BCAR1: variants seen among roughly 807,000 people sequenced by gnomAD.
BCAR1 encodes the protein breast cancer anti-estrogen resistance protein 1.
Under a neutral mutation model 67.6 loss-of-function variants are expected in BCAR1, and 30 were observed. The ratio of observed to expected loss-of-function variants is 0.44; its 90% confidence interval spans 0.33 to 0.60. BCAR1 has a LOEUF of 0.60. BCAR1 is among the 20% of genes least tolerant of loss of function. The probability of loss-of-function intolerance (pLI) is 0.02; values close to 1 mark genes in which losing one functional copy is unlikely to be tolerated. For synonymous variants in BCAR1, 626 were observed against 556.7 expected (o/e 1.12, Z -1.75); for missense variants, 1,313 against 1,222.3 (o/e 1.07, Z -1.11).
chr16:75,248,161 C>T, intron 1 of BCAR1: 5 of 1,586,024 alleles, frequency 3.2e-6, no homozygotes, highest in Non-Finnish European at 4.3e-6. Flanking sequence ...CACGGTGGAG[C>T]TGGGTGGCTC....
intron 1 of BCAR1, chr16:75,266,048 G>A (rs1293328210): frequency 9.8e-7 from 1 of 1,025,138 alleles, no homozygotes; most frequent in Non-Finnish European, 1.2e-6. Context: ...CCGCGGCCAG[G>A]GACGCGTTAA....
intron 6 of BCAR1, among the ~76,000 whole-genome samples, chr16:75,232,882 T>C (rs2076949020): frequency 6.6e-6 from 1 of 152,196 alleles, no homozygotes; most frequent in Non-Finnish European, 1.5e-5. Flanking sequence ...GCCCAGAAGG[T>C]AGGCGAGGGA....
chr16:75,255,601 C>T (rs902811082), upstream of BCAR1, among the ~76,000 whole-genome samples: 3 of 151,756 alleles, frequency 2.0e-5, no homozygotes, highest in Admixed American at 1.3e-4. Flanking sequence ...GAGGCTGAGG[C>T]AGGATAATTG....
intron 2 of BCAR1, among the ~76,000 whole-genome samples, chr16:75,241,125 T>C (rs2077324478): frequency 6.6e-6 from 1 of 152,240 alleles, no homozygotes; most frequent in Admixed American, 6.5e-5. Flanking sequence ...GCACACGCTT[T>C]GTATGTGTGG....
chr16:75,239,904 C>G (rs971020259), intron 2 of BCAR1, among the ~76,000 whole-genome samples: 1 of 152,220 alleles, frequency 6.6e-6, no homozygotes, highest in Non-Finnish European at 1.5e-5. Context: ...CCTGACCTCA[C>G]GCCATGGCTG....
At chr16:75,250,563 AG>A in intron 1 of BCAR1, 2 of 877,758 alleles carry the variant, frequency 2.3e-6, no homozygotes, top group Non-Finnish European at 2.7e-6. Flanking sequence ...GTGGTAGAAA[AG>A]GAGCTGCTGT....
intron 1 of BCAR1, chr16:75,243,477 T>A: frequency 1.8e-6 from 1 of 543,374 alleles, no homozygotes. Context: ...AGCAAATGGT[T>A]CTCTCTCGAG....
Position 75,250,792 on chromosome 16 carries a change from C to T in BCAR1, c.12+679G>A, listed in dbSNP as rs531248325. On this transcript the variant is annotated intron_variant, in intron 1 of 6. Transcript: ENST00000162330. Reference sequence around the variant, plus strand: ...TCCACACTGCAGAACCCGGCCCTGGCCCCCTCCCGCGACACTCGCGTGCGG... The same window carrying T: ...TCCACACTGCAGAACCCGGCCCTGGTCCCCTCCCGCGACACTCGCGTGCGG... The T allele has an allele frequency of 2.3e-5, 23 of 985,564 alleles. No individual in the cohort carries two copies. In the South Asian group the frequency reaches 1.1e-3, roughly 46 times the overall value. The allele number at this position is 985,564 out of a possible 1,614,324, so 61.1% of individuals were successfully genotyped here. A position where few individuals can be genotyped will look rare whatever the true frequency, so the allele number is the denominator to read the frequency against.
chr16:75,240,421 C>T (rs1258219262), intron 2 of BCAR1, among the ~76,000 whole-genome samples: 1 of 152,234 alleles, frequency 6.6e-6, no homozygotes, highest in Admixed American at 6.5e-5. Flanking sequence ...CCCGCCCCAG[C>T]AGAGGGGGCA....
At chr16:75,263,480 C>A (rs551358395) in intron 1 of BCAR1, 2 of 985,412 alleles carry the variant, frequency 2.0e-6, no homozygotes, top group East Asian at 1.1e-4. Flanking sequence ...GGAAGGGGCA[C>A]TGAGCAGGTA....
At chr16:75,232,712 A>C (rs1690815631) in intron 6 of BCAR1, among the ~76,000 whole-genome samples, 1 of 152,084 alleles carries the variant, frequency 6.6e-6, no homozygotes, top group Non-Finnish European at 1.5e-5. Flanking sequence ...CACCGTTCTG[A>C]GATGTCAATG....
intron 1 of BCAR1, chr16:75,263,657 C>G (rs1034264752): frequency 4.1e-6 from 4 of 985,468 alleles, no homozygotes; most frequent in Non-Finnish European, 4.8e-6. Flanking sequence ...CCTCCCATCC[C>G]CTTCTGAAGC....
chr16:75,238,391 T>C lies in BCAR1; in HGVS notation c.634-1047A>G, dbSNP rs926484085. ...ATCAAAGGGGATGTCTGGGACAGGG[T>C]TGACTCAGGGCCTCCCCGCACATCC... On this transcript the variant is annotated intron_variant, in intron 2 of 6. Coordinates refer to ENST00000162330, the MANE Select transcript of BCAR1 (RefSeq NM_014567.5). 21 of 1,085,928 alleles carry C rather than the reference T, an allele frequency of 1.9e-5. No homozygotes were observed. In the African/African-American group the frequency reaches 2.6e-4, roughly 13 times the overall value. The allele number at this position is 1,085,928 out of a possible 1,614,324, so 67.3% of individuals were successfully genotyped here.
chr16:75,236,029 G>A (rs779303762), intron 4 of BCAR1, 43 bp from the exon 5 acceptor site: 1 of 1,530,336 alleles, frequency 6.5e-7, no homozygotes, highest in Non-Finnish European at 8.8e-7. Flanking sequence ...CTGTCCATCT[G>A]CCCACCCCAG....
chr16:75,229,402 A>C lies in BCAR1; in HGVS notation c.*109T>G. On this transcript the variant is annotated 3_prime_UTR_variant, in exon 7 of 7. Transcript: ENST00000162330. Reference sequence around the variant, plus strand: ...GCATCCAGGGCACCAGGACCGACGCAGAGCTGGGGTCCTGTCCCTAAGCCT... The same window carrying C: ...GCATCCAGGGCACCAGGACCGACGCCGAGCTGGGGTCCTGTCCCTAAGCCT... 7.2e-7 allele frequency: 1 copy of C among 1,390,914 alleles called. No individual in the cohort carries two copies. The highest frequency in any genetic ancestry group is 9.4e-7 in the Non-Finnish European group (1 of 1,059,686). 86.2% of individuals were successfully genotyped at this position (1,390,914 alleles called of 1,614,324 possible). A position where few individuals can be genotyped will look rare whatever the true frequency, so the allele number is the denominator to read the frequency against.
At chr16:75,236,339 CACTG>C (rs1026000362) in intron 4 of BCAR1, 11 of 375,392 alleles carry the variant, frequency 2.9e-5, no homozygotes, top group Non-Finnish European at 4.8e-5. Context: ...TGCAGACACT[CACTG>C]AAAGGTTAGC....
upstream of BCAR1, among the ~76,000 whole-genome samples, chr16:75,253,635 C>T (rs1413069578): frequency 2.0e-5 from 3 of 152,088 alleles, no homozygotes; most frequent in Admixed American, 1.3e-4. Context: ...TGCTCCTTTT[C>T]CACTTAAATT....
At chr16:75,243,984 G>C (rs747803864) in intron 1 of BCAR1, among the ~76,000 whole-genome samples, 12 of 152,242 alleles carry the variant, frequency 7.9e-5, no homozygotes, top group Non-Finnish European at 1.8e-4. Flanking sequence ...GCAGGTGTGA[G>C]GGAGGCACGG....
chr16:75,264,717 G>C, intron 1 of BCAR1: 1 of 1,167,630 alleles, frequency 8.6e-7, no homozygotes. Context: ...CTCTGGGATA[G>C]TTAATGAAGA....
Sources: allele counts gnomAD v4.1 joint callset (sites outside exome capture counted in the v4.1 genomes callset), GRCh38; gene constraint gnomAD v4.1.1; transcripts MANE v1.5; gene names NCBI Gene and HGNC (gene_info 2026-07-23, HGNC 2026-07-21).